Variants in IARS2 observed in about 807,000 individuals in gnomAD.
IARS2 encodes isoleucine--tRNA ligase, mitochondrial.
In IARS2, 56 loss-of-function variants were observed where a neutral mutation model predicts 126.3. That is an observed-to-expected ratio of 0.44 (90% CI 0.36 to 0.55). The LOEUF (loss-of-function observed/expected upper bound fraction) is 0.55. Ranked by LOEUF, IARS2 falls within the 20% of genes least tolerant of loss-of-function variation. The pLI is 0.00. For synonymous variants in IARS2, 407 were observed against 441.1 expected (o/e 0.92, Z 0.97); for missense variants, 1,127 against 1,245.9 (o/e 0.90, Z 1.44).
chr1:220,144,107 G>C, intron 21 of IARS2: 1 of 920,864 alleles, frequency 1.1e-6, no homozygotes, highest in Non-Finnish European at 1.8e-6. Context: ...TCTTTGCTTT[G>C]CACATCAAAT....
intron 12 of IARS2, among the ~76,000 whole-genome samples, chr1:220,117,636 A>G (rs1015823829): frequency 1.3e-5 from 2 of 152,100 alleles, no homozygotes; most frequent in African/African-American, 4.8e-5. Context: ...AAATATAGCA[A>G]ACTGGTTTAA....
intron 11 of IARS2, among the ~76,000 whole-genome samples, chr1:220,111,606 G>A (rs1043504899): frequency 3.8e-4 from 56 of 148,710 alleles, no homozygotes; most frequent in Middle Eastern, 3.5e-3. Context: ...ATATGTGTGT[G>A]TGTGTGTGTG....
At chr1:220,132,931 C>G (rs567834457) in intron 14 of IARS2, among the ~76,000 whole-genome samples, 1 of 152,138 alleles carries the variant, frequency 6.6e-6, no homozygotes, top group African/African-American at 2.4e-5. Context: ...TACCTTCTTA[C>G]ATTATCTCAG....
At chr1:220,115,583 C>A (rs1423632142) in intron 12 of IARS2, among the ~76,000 whole-genome samples, 1 of 151,856 alleles carries the variant, frequency 6.6e-6, no homozygotes, top group African/African-American at 2.4e-5. Context: ...AAGAAAAATT[C>A]ATTTATTATA....
intron 21 of IARS2, chr1:220,143,849 A>G (rs1657534655): frequency 3.3e-6 from 2 of 606,500 alleles, no homozygotes; most frequent in South Asian, 4.1e-5. Context: ...TTATAGCTTA[A>G]CATAATGATG....
intron 10 of IARS2, among the ~76,000 whole-genome samples, chr1:220,108,856 C>CT (rs35836043): frequency 0.035 from 2,377 of 68,210 alleles, 255 homozygotes; most frequent in African/African-American, 0.082. Context: ...TGTGAATCCT[C>CT]TTTTTTTTTT....
intron 10 of IARS2, among the ~76,000 whole-genome samples, chr1:220,109,446 C>T (rs1558122127): frequency 6.6e-6 from 1 of 151,292 alleles, no homozygotes; most frequent in Non-Finnish European, 1.5e-5. Context: ...AGAGGGCTGT[C>T]ACAGTCAAAC....
rs1329477436 is a variant in IARS2, at chr1:220,118,336, G to A, written c.1640+3862G>A. ...CAGAAGAAAGTCTCGATTTATTCAT[G>A]TTCTAAATAAGTTTAGGGACTGGTA... On this transcript the variant is annotated intron_variant, in intron 12 of 22. Transcript: ENST00000366922. 1.1e-5 allele frequency: 3 copies of A among 276,084 alleles called. No individual in the cohort carries two copies. In the East Asian group the frequency reaches 3.6e-4, roughly 33 times the overall value. 17.1% of individuals were successfully genotyped at this position (276,084 alleles called of 1,614,324 possible).
chr1:220,096,870 C>A (rs1656454529), intron 2 of IARS2, among the ~76,000 whole-genome samples: 1 of 152,072 alleles, frequency 6.6e-6, no homozygotes, highest in Admixed American at 6.6e-5. Context: ...CACGGTGAAA[C>A]CCCGTCTCTA....
intron 10 of IARS2, among the ~76,000 whole-genome samples, chr1:220,110,554 C>T (rs1186389316): frequency 1.3e-5 from 2 of 151,922 alleles, no homozygotes; most frequent in Non-Finnish European, 2.9e-5. Flanking sequence ...TTAGTAGAGA[C>T]GAGGTTTCAC....
chr1:220,111,510 T>C (rs962698075), intron 11 of IARS2, among the ~76,000 whole-genome samples: 3 of 151,804 alleles, frequency 2.0e-5, no homozygotes, highest in East Asian at 1.9e-4. Flanking sequence ...CAAATACTTA[T>C]AATTGGTATT....
At position 220,145,547 on chromosome 1, in the gene IARS2, G is replaced by C. The variant is rs886528693; in HGVS notation, c.2790G>C (p.Leu930Phe). 6.2e-7 allele frequency: 1 copy of C among 1,613,654 alleles called. No individual in the cohort carries two copies. The highest frequency in any genetic ancestry group is 8.5e-7 in the Non-Finnish European group (1 of 1,179,682). The change falls in exon 22 of 23, where the codon TTG (leucine) becomes TTC (phenylalanine). Residue 930 changes from leucine to phenylalanine, a missense_variant. Physicochemically the swap from Leu to Phe is conservative, Grantham distance 22 (BLOSUM62 0). Coordinates refer to ENST00000366922, the MANE Select transcript of IARS2 (RefSeq NM_018060.4). ...AAGAGACTTCCAGCACCTCTCAGTT[G>C]AATGAATTAATGATGGCTTCTGAGT... is the stretch of plus-strand genomic sequence containing the variant. ...QSEETSSTSQ[L>F]NELMMASEST...
intron 14 of IARS2, among the ~76,000 whole-genome samples, chr1:220,131,240 A>G (rs557926117): frequency 3.5e-4 from 53 of 151,768 alleles, no homozygotes; most frequent in African/African-American, 1.3e-3. Flanking sequence ...GCAGTGGCAC[A>G]GTCTCGGCTC....
chr1:220,131,689 T>G (rs1304159536), intron 14 of IARS2, among the ~76,000 whole-genome samples: 1 of 152,110 alleles, frequency 6.6e-6, no homozygotes, highest in Non-Finnish European at 1.5e-5. Flanking sequence ...TTTCACCATG[T>G]TGGCCAGGCT....
In IARS2 at chr1:220,110,756, A is replaced by G. The variant is rs1656783544; in HGVS notation, c.1328-30A>G. ...AGGATTTTCACAGTACTTTTTAATT[A>G]TGTCTAATTTGGTGTTTTTTTTTTT... is the stretch of plus-strand genomic sequence containing the variant. On this transcript the variant is annotated intron_variant, in intron 10 of 22. Transcript: ENST00000366922. 13 of 1,498,846 alleles carry G rather than the reference A, an allele frequency of 8.7e-6. No individual in the cohort carries two copies. The East Asian group carries it at 2.3e-4, about 26-fold the overall frequency. The allele number at this position is 1,498,846 out of a possible 1,614,324, so 92.8% of individuals were successfully genotyped here. A position where few individuals can be genotyped will look rare whatever the true frequency, so the allele number is the denominator to read the frequency against.
chr1:220,138,448 C>T (rs373588146), intron 17 of IARS2, among the ~76,000 whole-genome samples: 108 of 151,878 alleles, frequency 7.1e-4, no homozygotes, highest in African/African-American at 2.2e-3. Flanking sequence ...TCCAGCCTGG[C>T]GACAGAGCAA....
chr1:220,094,204 G>T lies in IARS2; in HGVS notation c.-13G>T. 1.9e-6 allele frequency: 3 copies of T among 1,550,772 alleles called. No individual in the cohort carries two copies. Among genetic ancestry groups the T allele is most frequent in the South Asian group, 2.4e-5 (2 of 82,036 alleles). On this transcript the variant is annotated 5_prime_UTR_variant, in exon 1 of 23. Transcript: ENST00000366922. Reference sequence around the variant, plus strand: ...CGGGAGCGGAGGACCCCGCTCTCAGGGGTTGCCGGACCATGCGTTGGGGGC... The same window carrying T: ...CGGGAGCGGAGGACCCCGCTCTCAGTGGTTGCCGGACCATGCGTTGGGGGC...
At chr1:220,118,128 T>A (rs1243025571) in intron 12 of IARS2, 4 of 473,510 alleles carry the variant, frequency 8.4e-6, no homozygotes. Context: ...TTTCTGTCTT[T>A]CTTTATTATA....
chr1:220,110,814 T>C lies in IARS2; in HGVS notation c.1356T>C (p.Asn452=). 6.2e-7 allele frequency: 1 copy of C among 1,610,732 alleles called. No homozygotes were observed. Among genetic ancestry groups the C allele is most frequent in the Admixed American group, 1.7e-5 (1 of 59,788 alleles). ...TAAAGATGCTTCAGACTGCAAAGAA[T>C]TTGTTGAAAGAGGAGAAATTGGTGC... ...VVIKMLQTAK[N]LLKEEKLVHS... Residue 452 remains asparagine (N), a synonymous_variant, in exon 11 of 23, where the codon AAT becomes AAC. Coordinates refer to ENST00000366922, the MANE Select transcript of IARS2 (RefSeq NM_018060.4).
Sources: allele counts gnomAD v4.1 joint callset (sites outside exome capture counted in the v4.1 genomes callset), GRCh38; gene constraint gnomAD v4.1.1; transcripts MANE v1.5; gene names NCBI Gene and HGNC (gene_info 2026-07-23, HGNC 2026-07-21).